RSRC1: variants seen among roughly 807,000 people sequenced by gnomAD.
RSRC1 encodes the protein serine/Arginine-related protein 53.
In RSRC1, 39 loss-of-function variants were observed where a neutral mutation model predicts 49.1. That is an observed-to-expected ratio of 0.79 (90% CI 0.61 to 1.04). The LOEUF is 1.04. RSRC1 is among the 50% of genes least tolerant of loss of function. RSRC1 has a pLI of 0.00. For missense variants in RSRC1, 388 were observed against 402.4 expected, an observed-to-expected ratio of 0.96 and a Z score of 0.31; for synonymous variants, 143 against 130.8, an observed-to-expected ratio of 1.09 and a Z score of -0.63.
intron 3 of RSRC1, among the ~76,000 whole-genome samples, chr3:158,159,630 G>T (rs199675598): frequency 1.3e-5 from 2 of 152,086 alleles, no homozygotes. Flanking sequence ...ATAACATTTT[G>T]TAGATAGAAG....
intron 6 of RSRC1, among the ~76,000 whole-genome samples, chr3:158,404,651 G>A (rs1362300018): frequency 1.3e-5 from 2 of 151,856 alleles, no homozygotes; most frequent in African/African-American, 4.8e-5. Context: ...AATTGAGATT[G>A]AAGTAGAAAC....
chr3:158,450,093 T>C (rs1353554510), intron 6 of RSRC1, among the ~76,000 whole-genome samples: 1 of 151,996 alleles, frequency 6.6e-6, no homozygotes, highest in African/African-American at 2.4e-5. Context: ...TTTCCCCTTG[T>C]AGTTCATGCC....
chr3:158,528,084 A>G (rs1021100650), intron 7 of RSRC1, among the ~76,000 whole-genome samples: 1 of 151,838 alleles, frequency 6.6e-6, no homozygotes, highest in African/African-American at 2.4e-5. Context: ...ATAGTCAGTC[A>G]TGGATGTTCA....
At chr3:158,530,913 TA>T (rs200580489) in intron 7 of RSRC1, among the ~76,000 whole-genome samples, 1,950 of 95,612 alleles carry the variant, frequency 0.02, 20 homozygotes, top group Middle Eastern at 0.032. Flanking sequence ...AAATAATAAA[TA>T]AAAAAAAAAA....
intron 5 of RSRC1, among the ~76,000 whole-genome samples, chr3:158,315,571 T>C (rs1180114687): frequency 6.6e-6 from 1 of 152,162 alleles, no homozygotes; most frequent in African/African-American, 2.4e-5. Flanking sequence ...TAAATTATTT[T>C]TCAAACAAAT....
chr3:158,422,710 T>C (rs1735150082), intron 6 of RSRC1, among the ~76,000 whole-genome samples: 1 of 150,902 alleles, frequency 6.6e-6, no homozygotes, highest in African/African-American at 2.4e-5. Context: ...AAAGTGTTCC[T>C]ATTTCTCCAC....
chr3:158,478,786 C>G (rs771197082), intron 7 of RSRC1, among the ~76,000 whole-genome samples: 8 of 151,704 alleles, frequency 5.3e-5, no homozygotes, highest in Non-Finnish European at 7.4e-5. Flanking sequence ...CAGTTTCATC[C>G]CAGAAATTCT....
chr3:158,391,797 T>C (rs1733314221), intron 6 of RSRC1, among the ~76,000 whole-genome samples: 2 of 152,048 alleles, frequency 1.3e-5, no homozygotes, highest in African/African-American at 4.8e-5. Flanking sequence ...GTGGGTCAAA[T>C]TGGGGTCAAA....
intron 6 of RSRC1, among the ~76,000 whole-genome samples, chr3:158,376,151 C>CCCT (rs1464528972): frequency 9.5e-6 from 1 of 105,096 alleles, no homozygotes; most frequent in Non-Finnish European, 1.9e-5. Context: ...CTCCCTCCCT[C>CCCT]CCTCCCTCCC....
intron 6 of RSRC1, among the ~76,000 whole-genome samples, chr3:158,410,621 G>A (rs1734410745): frequency 6.6e-6 from 1 of 152,098 alleles, no homozygotes; most frequent in Non-Finnish European, 1.5e-5. Context: ...TATAGAAGGT[G>A]CTCAAAAAGT....
intron 6 of RSRC1, among the ~76,000 whole-genome samples, chr3:158,396,970 A>G (rs1222326101): frequency 6.6e-6 from 1 of 152,130 alleles, no homozygotes; most frequent in Admixed American, 6.6e-5. Context: ...AGAAAGGTCA[A>G]ACATCTATAG....
intron 5 of RSRC1, among the ~76,000 whole-genome samples, chr3:158,314,681 C>T (rs757650304): frequency 2.0e-5 from 3 of 152,092 alleles, no homozygotes; most frequent in South Asian, 2.1e-4. Context: ...ACTGCCACTG[C>T]TCTAAGGAGT....
At chr3:158,196,338 G>C (rs1223850996) in intron 3 of RSRC1, among the ~76,000 whole-genome samples, 2 of 152,146 alleles carry the variant, frequency 1.3e-5, no homozygotes, top group African/African-American at 4.8e-5. Flanking sequence ...TGTGATGTTT[G>C]CACACTGATT....
rs148305172 is a variant in RSRC1, at chr3:158,203,904, A to C, written c.494+659A>C. 1.8e-4 allele frequency among the ~76,000 whole-genome samples: 28 copies of C among 152,298 alleles called. No individual in the cohort carries two copies. In the East Asian group the frequency reaches 3.1e-3, roughly 17 times the overall value. Reference sequence around the variant, plus strand: ...TCATAAGTGTTTGTCAAATTAGAAAACATTAAAATGAAACAATCTTTTTTA... The same window carrying C: ...TCATAAGTGTTTGTCAAATTAGAAACCATTAAAATGAAACAATCTTTTTTA... On this transcript the variant is annotated intron_variant, in intron 4 of 9. Coordinates refer to ENST00000611884, the MANE Select transcript of RSRC1 (RefSeq NM_001271838.2).
intron 6 of RSRC1, among the ~76,000 whole-genome samples, chr3:158,431,856 G>T (rs1460551255): frequency 6.6e-6 from 1 of 151,856 alleles, no homozygotes; most frequent in Admixed American, 6.6e-5. Flanking sequence ...TATCTTAGAT[G>T]ACCAAAAATA....
chr3:158,283,850 T>G (rs952846117), intron 4 of RSRC1, among the ~76,000 whole-genome samples: 1 of 150,384 alleles, frequency 6.6e-6, no homozygotes, highest in Non-Finnish European at 1.5e-5. Flanking sequence ...TCAGCACCTT[T>G]GCCAACAATG....
intron 5 of RSRC1, among the ~76,000 whole-genome samples, chr3:158,298,787 AATGTTGAATAATTAATG>A (rs1431442842): frequency 4.6e-5 from 7 of 152,136 alleles, no homozygotes; most frequent in Admixed American, 2.0e-4. Flanking sequence ...GTCAGATCCA[AATGTTGAATAATTAATG>A]GTACATATTC....
chr3:158,287,573 G>A (rs1325821917), intron 4 of RSRC1, among the ~76,000 whole-genome samples: 1 of 151,960 alleles, frequency 6.6e-6, no homozygotes, highest in Admixed American at 6.6e-5. Context: ...CAAAAATAAG[G>A]GATAAGTTAG....
intron 4 of RSRC1, among the ~76,000 whole-genome samples, chr3:158,257,403 C>T (rs1313690760): frequency 6.6e-6 from 1 of 151,966 alleles, no homozygotes; most frequent in Non-Finnish European, 1.5e-5. Context: ...ATGACTTTGC[C>T]TCTTGTTTTA....
Sources: gnomAD v4.1 joint callset for allele counts (sites outside exome capture counted in the v4.1 genomes callset) on GRCh38, gnomAD v4.1.1 for gene constraint, MANE v1.5 for transcripts, NCBI Gene and HGNC (gene_info 2026-07-23, HGNC 2026-07-21) for gene names.